The following GABRB1 variants were observed in gnomAD, a reference collection of about 807,000 sequenced individuals.
GABRB1 encodes gamma-aminobutyric acid type A receptor subunit beta1, also known as gamma-aminobutyric acid receptor subunit beta-1.
In GABRB1, 17 loss-of-function variants were observed where a neutral mutation model predicts 51.6. The ratio of observed to expected loss-of-function variants is 0.33; its 90% CI spans 0.23 to 0.49. The LOEUF (loss-of-function observed/expected upper bound fraction) is 0.49, where lower values mean the gene tolerates loss of function less well. GABRB1 is among the 20% of genes least tolerant of loss of function. The probability of loss-of-function intolerance (pLI) is 0.99; values close to 1 mark genes in which losing one functional copy is unlikely to be tolerated. For synonymous variants in GABRB1, 247 were observed against 218.9 expected, an observed-to-expected ratio of 1.13 and a Z score of -1.14; for missense variants, 410 against 600.6, an observed-to-expected ratio of 0.68 and a Z score of 3.32.
At chr4:47,103,618 C>A (rs1417314181) in intron 3 of GABRB1, among the ~76,000 whole-genome samples, 2 of 151,874 alleles carry the variant, frequency 1.3e-5, no homozygotes, top group East Asian at 3.9e-4. Flanking sequence ...CAGCGAAATT[C>A]AAATTACATT....
chr4:47,312,068 TGTGC>T (rs1172178863), intron 4 of GABRB1, among the ~76,000 whole-genome samples: 48 of 138,108 alleles, frequency 3.5e-4, no homozygotes, highest in African/African-American at 1.2e-3. Flanking sequence ...TGTGTGTGTG[TGTGC>T]GCGTGCATAC....
intron 3 of GABRB1, among the ~76,000 whole-genome samples, chr4:47,081,666 T>G (rs4538456): frequency 0.8 from 121,053 of 152,012 alleles, 48,596 homozygotes; most frequent in South Asian, 0.85. Context: ...TAATATGTTT[T>G]TATGTTTTAG....
Position 47,259,191 on chromosome 4 carries a change from A to G in GABRB1, c.462-60936A>G, listed in dbSNP as rs532488720. On this transcript the variant is annotated intron_variant, in intron 4 of 8. Coordinates refer to ENST00000295454, the MANE Select transcript of GABRB1 (RefSeq NM_000812.4). ...TGCCTCTATGAATTCACTTTCAGCC[A>G]CAAACAAATCCAGCCTTCACATTGT... is the stretch of plus-strand genomic sequence containing the variant. Among the ~76,000 whole-genome samples, 56 of 152,212 alleles carry G rather than the reference A, an allele frequency of 3.7e-4. 1 individual carries two copies. The South Asian group carries it at 0.01, about 28-fold the overall frequency.
chr4:47,168,202 A>G (rs976511319), intron 4 of GABRB1, among the ~76,000 whole-genome samples: 21 of 152,146 alleles, frequency 1.4e-4, no homozygotes, highest in African/African-American at 4.6e-4. Context: ...ATGCTCACCT[A>G]TATTGTCGTA....
intron 8 of GABRB1, among the ~76,000 whole-genome samples, chr4:47,414,289 A>G (rs1237175372): frequency 6.6e-6 from 1 of 152,242 alleles, no homozygotes; most frequent in Admixed American, 6.5e-5. Flanking sequence ...CAAGGTGGTC[A>G]GAGCACAGTT....
rs34532575 is a variant in GABRB1, at chr4:47,024,933, C to CATATATATATATATAT, written c.-19-6978_-19-6963dup. On this transcript the variant is annotated intron_variant, in intron 1 of 3. Coordinates refer to the GABRB1 transcript ENST00000513567. ...TTTTTATGGCTGGGTAGTATTCCAT[C>CATATATATATATATAT]ATATATATATATATATATGTTATTT... Among the ~76,000 whole-genome samples, 122 of 86,190 alleles carry CATATATATATATATAT rather than the reference C, an allele frequency of 1.4e-3. 9 individuals carry two copies. Among genetic ancestry groups the CATATATATATATATAT allele is most frequent in the African/African-American group, 5.0e-3 (101 of 20,104 alleles). The allele number at this position is 86,190 out of a possible 152,430, so 56.5% of individuals were successfully genotyped here. A position where few individuals can be genotyped will look rare whatever the true frequency, so the allele number is the denominator to read the frequency against.
chr4:47,391,319 C>A (rs1030526170), intron 5 of GABRB1, among the ~76,000 whole-genome samples: 4 of 152,200 alleles, frequency 2.6e-5, no homozygotes, highest in Admixed American at 2.6e-4. Context: ...ACCCAGACCA[C>A]TGACTGGATA....
chr4:47,181,377 C>A (rs530476478), intron 4 of GABRB1, among the ~76,000 whole-genome samples: 1 of 151,976 alleles, frequency 6.6e-6, no homozygotes, highest in East Asian at 1.9e-4. Context: ...TTTACAACCA[C>A]CTAAATAGTT....
chr4:47,033,296 C>T (rs1315860165), intron 3 of GABRB1, among the ~76,000 whole-genome samples: 1 of 152,074 alleles, frequency 6.6e-6, no homozygotes, highest in African/African-American at 2.4e-5. Flanking sequence ...ATATTTCTTC[C>T]CTCTCTTTTT....
intron 1 of GABRB1, among the ~76,000 whole-genome samples, chr4:47,013,257 G>C (rs148778670): frequency 1.3e-5 from 2 of 152,110 alleles, no homozygotes; most frequent in African/African-American, 4.8e-5. Flanking sequence ...ACATACTTAA[G>C]AACACTTGTA....
intron 4 of GABRB1, among the ~76,000 whole-genome samples, chr4:47,256,527 A>G (rs573760611): frequency 1.3e-5 from 2 of 152,340 alleles, no homozygotes; most frequent in South Asian, 4.1e-4. Flanking sequence ...TGCTATGAAG[A>G]ACTACCTGAG....
At chr4:47,277,944 T>C (rs890027001) in intron 4 of GABRB1, among the ~76,000 whole-genome samples, 1 of 152,124 alleles carries the variant, frequency 6.6e-6, no homozygotes, top group Admixed American at 6.6e-5. Context: ...TACCAACACA[T>C]TTTCTAAGAG....
intron 3 of GABRB1, among the ~76,000 whole-genome samples, chr4:47,035,713 T>A (rs1316131922): frequency 6.6e-6 from 1 of 152,090 alleles, no homozygotes. Flanking sequence ...TTGGAGTAAA[T>A]GGAGACAAGA....
intron 3 of GABRB1, among the ~76,000 whole-genome samples, chr4:47,073,288 T>C (rs1443366935): frequency 6.6e-6 from 1 of 152,216 alleles, no homozygotes; most frequent in African/African-American, 2.4e-5. Context: ...AAAAGTTGGA[T>C]ATATTCTTGT....
intron 3 of GABRB1, among the ~76,000 whole-genome samples, chr4:47,144,818 G>GAA (rs35716577): frequency 4.6e-4 from 68 of 146,730 alleles, no homozygotes; most frequent in African/African-American, 1.7e-3. Context: ...CATATACACA[G>GAA]AAAAAAAAAA....
In GABRB1 at chr4:47,262,171, A is replaced by G. The variant is rs971976406; in HGVS notation, c.462-57956A>G. 2.6e-5 allele frequency among the ~76,000 whole-genome samples: 4 copies of G among 151,696 alleles called. No homozygotes were observed. In the East Asian group the frequency reaches 5.8e-4, roughly 22 times the overall value. On this transcript the variant is annotated intron_variant, in intron 4 of 8. Transcript: ENST00000295454. ...GTCTAAAACACCAAAAGCAATGGCA[A>G]CAAAAGCCAAAATTGACAAATGGGA...
intron 3 of GABRB1, among the ~76,000 whole-genome samples, chr4:47,044,469 A>C (rs1725998268): frequency 6.6e-6 from 1 of 152,044 alleles, no homozygotes; most frequent in African/African-American, 2.4e-5. Context: ...CTCAAGTATA[A>C]ATCTTGTGAT....
intron 4 of GABRB1, among the ~76,000 whole-genome samples, chr4:47,236,793 C>G (rs183407563): frequency 6.6e-6 from 1 of 152,138 alleles, no homozygotes; most frequent in Non-Finnish European, 1.5e-5. Context: ...TGTTCTTAAG[C>G]TCTCCATTTA....
intron 4 of GABRB1, among the ~76,000 whole-genome samples, chr4:47,187,071 A>G (rs1408001130): frequency 6.6e-6 from 1 of 151,930 alleles, no homozygotes; most frequent in East Asian, 1.9e-4. Flanking sequence ...TGAAGCTCTC[A>G]GGATTGTGAT....
Sources: allele counts gnomAD v4.1 joint callset (sites outside exome capture counted in the v4.1 genomes callset), GRCh38; gene constraint gnomAD v4.1.1; transcripts MANE v1.5; gene names NCBI Gene and HGNC (gene_info 2026-07-23, HGNC 2026-07-21).